Variants in MRTFB observed in about 807,000 individuals in gnomAD.
The protein encoded by MRTFB is myocardin-related transcription factor B.
In MRTFB, 29 loss-of-function variants were observed where a neutral mutation model predicts 104.2. The ratio of observed to expected loss-of-function variants is 0.28; its 90% confidence interval spans 0.21 to 0.38. The LOEUF (loss-of-function observed/expected upper bound fraction) is 0.38, where lower values mean the gene tolerates loss of function less well. Ranked by LOEUF, MRTFB falls within the 10% of genes least tolerant of loss-of-function variation. The pLI is 1.00. For synonymous variants in MRTFB, 535 were observed against 519.5 expected (o/e 1.03, Z -0.41); for missense variants, 1,270 against 1,341.6 (o/e 0.95, Z 0.83).
rs755210058 is a variant in MRTFB at position 14,217,298 on chromosome 16, A to C, written c.514+11A>C. On this transcript the variant is annotated intron_variant, in intron 7 of 16. Coordinates refer to ENST00000571589, the MANE Select transcript of MRTFB (RefSeq NM_001308142.2). ...AAGAAGCAATTATAGGCAAGACTCT[A>C]AAAATTTACTATTTGGGGTGAGAAA... is the stretch of plus-strand genomic sequence containing the variant. 8 of 1,579,462 alleles carry C rather than the reference A, an allele frequency of 5.1e-6. No homozygotes were observed. The South Asian group carries it at 9.6e-5, about 19-fold the overall frequency.
chr16:14,103,750 C>T (rs1054816439), intron 2 of MRTFB, among the ~76,000 whole-genome samples: 1 of 152,162 alleles, frequency 6.6e-6, no homozygotes, highest in Non-Finnish European at 1.5e-5. Context: ...CTTCTAATGC[C>T]TTCGTCCAAG....
At chr16:14,201,273 C>T (rs2040691001) in intron 3 of MRTFB, among the ~76,000 whole-genome samples, 1 of 152,090 alleles carries the variant, frequency 6.6e-6, no homozygotes, top group African/African-American at 2.4e-5. Context: ...CCCAAGTTAA[C>T]GAAAGTGTTC....
At chr16:14,257,580 CG>C (rs2043554272) in intron 15 of MRTFB, among the ~76,000 whole-genome samples, 1 of 151,478 alleles carries the variant, frequency 6.6e-6, no homozygotes, top group African/African-American at 2.4e-5. Context: ...GGGTTGCCTA[CG>C]GATGAGGGGA....
chr16:14,153,757 A>G (rs191142094), intron 3 of MRTFB, among the ~76,000 whole-genome samples: 17 of 152,260 alleles, frequency 1.1e-4, no homozygotes, highest in Non-Finnish European at 2.2e-4. Flanking sequence ...TTCTTAAATG[A>G]CCCCAAATGT....
In MRTFB at chr16:14,182,090, T is replaced by C. The variant is rs117932989; in HGVS notation, c.155-28153T>C. Among the ~76,000 whole-genome samples, 5 of 152,354 alleles carry C rather than the reference T, an allele frequency of 3.3e-5. No individual in the cohort carries two copies. In the East Asian group the frequency reaches 9.6e-4, roughly 29 times the overall value. ...GACAGTGAAGATGATGTACCACATA[T>C]AGTAGAGGAACAAGGGCAAACCTAC... On this transcript the variant is annotated intron_variant, in intron 3 of 16. Transcript: ENST00000571589.
At chr16:14,202,486 G>A (rs533479104) in intron 3 of MRTFB, among the ~76,000 whole-genome samples, 2 of 152,200 alleles carry the variant, frequency 1.3e-5, no homozygotes, top group East Asian at 1.9e-4. Flanking sequence ...GAGACCCTTC[G>A]TGATTTGACT....
chr16:14,256,353 A>C (rs2043494107), intron 15 of MRTFB, among the ~76,000 whole-genome samples: 1 of 152,246 alleles, frequency 6.6e-6, no homozygotes, highest in Non-Finnish European at 1.5e-5. Flanking sequence ...GCCAGACTCA[A>C]CTGTATGCAG....
chr16:14,108,953 T>C (rs1015663408), intron 2 of MRTFB, among the ~76,000 whole-genome samples: 2 of 152,222 alleles, frequency 1.3e-5, no homozygotes, highest in African/African-American at 4.8e-5. Flanking sequence ...TCTGTAGTAA[T>C]TCGAAAATTG....
intron 8 of MRTFB, among the ~76,000 whole-genome samples, chr16:14,231,904 A>G (rs1038401820): frequency 6.6e-6 from 1 of 152,312 alleles, no homozygotes; most frequent in East Asian, 1.9e-4. Flanking sequence ...TTATCTTCAG[A>G]TTAGGTAGAG....
At chr16:14,103,781 C>A (rs551943577) in intron 2 of MRTFB, among the ~76,000 whole-genome samples, 1 of 152,314 alleles carries the variant, frequency 6.6e-6, no homozygotes, top group Admixed American at 6.5e-5. Flanking sequence ...CAAGGATTGG[C>A]ATAAATTAGG....
At chr16:14,185,466 A>C (rs182808381) in intron 3 of MRTFB, among the ~76,000 whole-genome samples, 11 of 152,332 alleles carry the variant, frequency 7.2e-5, no homozygotes, top group Admixed American at 7.2e-4. Context: ...TTTTGAAGAG[A>C]AAATGTGCTT....
intron 3 of MRTFB, among the ~76,000 whole-genome samples, chr16:14,183,274 A>G (rs1159169969): frequency 6.6e-6 from 1 of 152,198 alleles, no homozygotes; most frequent in African/African-American, 2.4e-5. Flanking sequence ...ACTCAAATTG[A>G]GGATAATACT....
At chr16:14,049,344 A>G in the MRTFB span, among the ~76,000 whole-genome samples, 1 of 152,252 alleles carries the variant, frequency 6.6e-6, no homozygotes, top group East Asian at 1.9e-4. Flanking sequence ...GTCACTTGCC[A>G]TAAATAGATG....
In MRTFB at chr16:14,246,862, G is replaced by A. The variant is rs748805975; in HGVS notation, c.1602G>A (p.Ser534=). The part of the protein sequence containing the change: ...DTFTEIMTMM[S]PSQFLSSSPL... ...TCACCGAGATTATGACCATGATGTC[G>A]CCTTCACAGTTCTTGAGTTCATCTC... Residue 534 remains serine (S), a synonymous_variant, in exon 12 of 17, where the codon TCG becomes TCA. Coordinates refer to ENST00000571589, the MANE Select transcript of MRTFB (RefSeq NM_001308142.2). 47 of 1,612,820 alleles carry A rather than the reference G, an allele frequency of 2.9e-5. No homozygotes were observed. In the East Asian group the frequency reaches 8.0e-4, roughly 28 times the overall value.
chr16:14,238,274 G>A (rs1376085238), intron 9 of MRTFB, among the ~76,000 whole-genome samples: 3 of 152,126 alleles, frequency 2.0e-5, no homozygotes, highest in African/African-American at 7.2e-5. Flanking sequence ...AGACACTGTC[G>A]AGAGGCAGAA....
chr16:14,149,669 CCT>C (rs1311840676), intron 3 of MRTFB: 2 of 152,158 alleles, frequency 1.3e-5, no homozygotes, highest in Admixed American at 1.3e-4. Context: ...GATCATTGTG[CCT>C]CTTACTCTAA....
chr16:14,143,161 C>CTTTTTTT (rs58550641), intron 3 of MRTFB: 6 of 102,194 alleles, frequency 5.9e-5, no homozygotes, highest in African/African-American at 9.8e-5. Context: ...CTGAACATTT[C>CTTTTTTT]TTTTTTTTTT....
At chr16:14,041,918 C>A in the MRTFB span, among the ~76,000 whole-genome samples, 1 of 152,044 alleles carries the variant, frequency 6.6e-6, no homozygotes, top group African/African-American at 2.4e-5. Context: ...AAGAGCTAAA[C>A]TCTGTCTCAA....
chr16:14,127,929 A>ATATATATATATATATT (rs1393344981), intron 2 of MRTFB, among the ~76,000 whole-genome samples: 1 of 44,634 alleles, frequency 2.2e-5, no homozygotes. Context: ...ATATATATAT[A>ATATATATATATATATT]TTTTTTTTTT....
Sources: allele counts gnomAD v4.1 joint callset (sites outside exome capture counted in the v4.1 genomes callset), GRCh38; gene constraint gnomAD v4.1.1; transcripts MANE v1.5; gene names NCBI Gene and HGNC (gene_info 2026-07-23, HGNC 2026-07-21).